INPP5D: variants seen among roughly 807,000 people sequenced by gnomAD.
INPP5D encodes the protein inositol polyphosphate-5-phosphatase D.
A neutral mutation model predicts 122.9 loss-of-function variants in INPP5D; 33 were observed. That is an observed-to-expected ratio of 0.27 (90% CI 0.20 to 0.36). The LOEUF (loss-of-function observed/expected upper bound fraction) is 0.36. Ranked by LOEUF, INPP5D falls within the 10% of genes least tolerant of loss-of-function variation. INPP5D has a pLI of 1.00. For missense variants in INPP5D, 1,053 were observed against 1,412.7 expected (o/e 0.75, Z 4.08); for synonymous variants, 584 against 576.2 (o/e 1.01, Z -0.19).
At position 233,204,185 on chromosome 2, in the gene INPP5D, C is replaced by A. The variant is rs557858996; in HGVS notation, c.3035C>A (p.Thr1012Lys). 6.8e-6 allele frequency: 11 copies of A among 1,608,688 alleles called. No individual in the cohort carries two copies. In the South Asian group the frequency reaches 8.9e-5, roughly 13 times the overall value. ...CTGCCTCAGGAGGACCTGCCGCTGA[C>A]GAAGCCCGAGATGTTTGAGAACCCC... ...DTLPQEDLPL[T>K]KPEMFENPLY... The change falls in exon 26 of 27, where the codon ACG becomes AAG. Residue 1012 changes from threonine to lysine, a missense_variant. Transcript: ENST00000445964.
chr2:233,154,087 CTG>C (rs1693988207), intron 9 of INPP5D, among the ~76,000 whole-genome samples: 1 of 152,212 alleles, frequency 6.6e-6, no homozygotes, highest in African/African-American at 2.4e-5. Context: ...TCACCAGACA[CTG>C]GAGGGAAGCT....
At chr2:233,132,424 G>A (rs761644696) in intron 5 of INPP5D, among the ~76,000 whole-genome samples, 3 of 152,104 alleles carry the variant, frequency 2.0e-5, no homozygotes, top group Admixed American at 6.5e-5. Flanking sequence ...TCTTCTTCTC[G>A]GGTATGTAGT....
Position 233,171,051 on chromosome 2 carries a change from C to G in INPP5D, c.1901-13C>G. ...GGGGAATCAGAATTAAAACGAAAGTCTCTCTGTTTCAGAGGAGGAAGAAAT... is the reference window on the plus strand; with the variant it reads ...GGGGAATCAGAATTAAAACGAAAGTGTCTCTGTTTCAGAGGAGGAAGAAAT... On this transcript the variant is annotated splice_polypyrimidine_tract_variant and intron_variant, in intron 16 of 26. Transcript: ENST00000445964. 1 of 1,613,284 alleles carries G rather than the reference C, an allele frequency of 6.2e-7. No homozygotes were observed. The highest frequency in any genetic ancestry group is 8.5e-7 in the Non-Finnish European group (1 of 1,179,588).
rs1046861679 is a variant in INPP5D at position 233,116,908 on chromosome 2, T to C, written c.199-5199T>C. 7.9e-5 allele frequency among the ~76,000 whole-genome samples: 12 copies of C among 152,334 alleles called. No individual in the cohort carries two copies. In the East Asian group the frequency reaches 9.6e-4, roughly 12 times the overall value. On this transcript the variant is annotated intron_variant, in intron 2 of 26. Coordinates refer to ENST00000445964, the MANE Select transcript of INPP5D (RefSeq NM_001017915.3). Reference sequence around the variant, plus strand: ...CCCTACCTGGTCAAGATGTCATAATTTAACAAGTCTACTTAAATAAGGCAA... The same window carrying C: ...CCCTACCTGGTCAAGATGTCATAATCTAACAAGTCTACTTAAATAAGGCAA...
intron 19 of INPP5D, 81 bp from the exon 20 acceptor site, chr2:233,184,327 G>T: frequency 6.5e-7 from 1 of 1,538,576 alleles, no homozygotes; most frequent in Non-Finnish European, 8.8e-7. Context: ...AAGGAGCTCA[G>T]TATGTGGCAT....
chr2:233,198,162 T>C lies in INPP5D; in HGVS notation c.2761T>C (p.Phe921Leu). 1 of 1,613,408 alleles carries C rather than the reference T, an allele frequency of 6.2e-7. No individual in the cohort carries two copies. The highest frequency in any genetic ancestry group is 8.5e-7 in the Non-Finnish European group (1 of 1,179,874). The change falls in exon 25 of 27, where the codon TTT becomes CTT. Residue 921 changes from phenylalanine (F) to leucine (L), a missense_variant. Phe to Leu is a conservative substitution (Grantham distance 22, BLOSUM62 0). Coordinates refer to ENST00000445964, the MANE Select transcript of INPP5D (RefSeq NM_001017915.3). ...CCCCAACTACATGGGAGTGGGGCCC[T>C]TTGGGCCACCAATGCCCCTGCACGT... ...INPNYMGVGP[F>L]GPPMPLHVKQ...
intron 1 of INPP5D, among the ~76,000 whole-genome samples, chr2:233,068,991 AG>A (rs67773330): frequency 0.079 from 12,047 of 152,086 alleles, 539 homozygotes; most frequent in Middle Eastern, 0.13. Context: ...GCTCCAATTG[AG>A]GGGGTGGGTG....
chr2:233,100,026 A>G lies in INPP5D; in HGVS notation c.198+20628A>G, dbSNP rs1692262109. ...GAGACCCATTCACTATCACGAGAAC[A>G]GAGCCGCCATAATTCAATCACCTCC... is the stretch of plus-strand genomic sequence containing the variant. On this transcript the variant is annotated intron_variant, in intron 2 of 26. Coordinates refer to ENST00000445964, the MANE Select transcript of INPP5D (RefSeq NM_001017915.3). This position sits in a 1 kb window ranked among gnomAD's most constrained non-coding sequence, Gnocchi z 5.3. Among the ~76,000 whole-genome samples the G allele has an allele frequency of 6.6e-6, 1 of 152,232 alleles. No individual in the cohort carries two copies.
Position 233,065,055 on chromosome 2 carries a change from C to T in INPP5D, c.134+4443C>T, listed in dbSNP as rs186983158. Reference sequence around the variant, plus strand: ...AGGCTGACTGTGCCGGGTTTTCTCTCTGCATGCAAGACCAGGAAGGGGTAT... The same window carrying T: ...AGGCTGACTGTGCCGGGTTTTCTCTTTGCATGCAAGACCAGGAAGGGGTAT... On this transcript the variant is annotated intron_variant, in intron 1 of 26. Transcript: ENST00000445964. Among the ~76,000 whole-genome samples the T allele has an allele frequency of 2.0e-3, 312 of 152,308 alleles. 1 individual carries two copies. The highest frequency in any genetic ancestry group is 7.1e-3 in the African/African-American group (296 of 41,558).
chr2:233,180,890 T>A (rs953925504), intron 18 of INPP5D, among the ~76,000 whole-genome samples: 1 of 149,696 alleles, frequency 6.7e-6, no homozygotes, highest in African/African-American at 2.4e-5. Flanking sequence ...GCCAGGCTGA[T>A]CTCGAACTCC....
chr2:233,100,389 C>A lies in INPP5D; in HGVS notation c.198+20991C>A, dbSNP rs1436602281. Among the ~76,000 whole-genome samples the A allele has an allele frequency of 6.6e-6, 1 of 152,236 alleles. No individual in the cohort carries two copies. Among genetic ancestry groups the A allele is most frequent in the Non-Finnish European group, 1.5e-5 (1 of 68,046 alleles). On this transcript the variant is annotated intron_variant, in intron 2 of 26. Transcript: ENST00000445964. This position sits in a 1 kb window ranked among gnomAD's most constrained non-coding sequence, Gnocchi z 5.3. The stretch of plus-strand genomic sequence containing the variant: ...ACCTCCTGCTGGTTCCCAGGCCCAG[C>A]ACCTGCTTTGCCTCTCCTCACAGAT...
At chr2:233,088,332 C>T (rs1030087900) in intron 2 of INPP5D, among the ~76,000 whole-genome samples, 2 of 152,096 alleles carry the variant, frequency 1.3e-5, no homozygotes, top group African/African-American at 4.8e-5. Context: ...TTTCACTGGC[C>T]CTGTTGTCTG....
rs1472002831 is a variant in INPP5D, at chr2:233,170,547, C to G, written c.1843C>G (p.Leu615Val). 1 of 1,613,670 alleles carries G rather than the reference C, an allele frequency of 6.2e-7. No individual in the cohort carries two copies. The highest frequency in any genetic ancestry group is 1.3e-5 in the African/African-American group (1 of 74,898). The change falls in exon 16 of 27, where the codon CTG becomes GTG. Residue 615 changes from leucine (L) to valine (V), a missense_variant. Around this residue, in one of 6 missense-constraint regions of INPP5D, gnomAD observed 258 missense variants for 439.1 expected, o/e 0.59. Coordinates refer to ENST00000445964, the MANE Select transcript of INPP5D (RefSeq NM_001017915.3). The surrounding 1 kb of genome is among the most constrained non-coding windows in gnomAD (Gnocchi z 4.5). Reference protein sequence around the residue: ...KIKQQQYADLLSHDQLLTERR... With the variant: ...KIKQQQYADLVSHDQLLTERR... ...CAAGCAGCAGCAGTACGCAGACCTC[C>G]TGTCCCACGACCAGCTGCTCACAGA...
At chr2:233,169,731 G>T in intron 14 of INPP5D, 1 of 583,632 alleles carries the variant, frequency 1.7e-6, no homozygotes. Flanking sequence ...TGGGGCCCAG[G>T]AATGAAGACA....
At chr2:233,079,899 T>TTTCACCAAG (rs1691626197) in intron 2 of INPP5D, among the ~76,000 whole-genome samples, 3 of 152,224 alleles carry the variant, frequency 2.0e-5, no homozygotes, top group African/African-American at 7.2e-5. Flanking sequence ...CCAAGCAAAG[T>TTTCACCAAG]CAAAATGTGC....
At chr2:233,086,589 G>A (rs1574713930) in intron 2 of INPP5D, among the ~76,000 whole-genome samples, 1 of 152,114 alleles carries the variant, frequency 6.6e-6, no homozygotes, top group African/African-American at 2.4e-5. Flanking sequence ...GCCAACACAC[G>A]GAAAGGAGAA....
intron 1 of INPP5D, among the ~76,000 whole-genome samples, chr2:233,075,075 A>G (rs1271248131): frequency 6.6e-6 from 1 of 152,172 alleles, no homozygotes; most frequent in Non-Finnish European, 1.5e-5. Context: ...ACTGAGAAGC[A>G]CCTTCCTGCC....
At chr2:233,064,841 G>A (rs1372655646) in intron 1 of INPP5D, among the ~76,000 whole-genome samples, 1 of 152,184 alleles carries the variant, frequency 6.6e-6, no homozygotes, top group Non-Finnish European at 1.5e-5. Context: ...TGGTGTGAGC[G>A]GGTGGCTAAG....
At chr2:233,199,936 G>T (rs546235480) in intron 25 of INPP5D, among the ~76,000 whole-genome samples, 6 of 152,302 alleles carry the variant, frequency 3.9e-5, no homozygotes, top group South Asian at 2.1e-4. Context: ...GAGCCTGCTC[G>T]CACCCTCCAG....
Sources: gnomAD v4.1 joint callset for allele counts (sites outside exome capture counted in the v4.1 genomes callset) on GRCh38, gnomAD v4.1.1 for gene constraint, gnomAD v4.1.1 regional missense constraint, Gnocchi (gnomAD v3.1) non-coding constraint, MANE v1.5 for transcripts, NCBI Gene and HGNC (gene_info 2026-07-23, HGNC 2026-07-21) for gene names.